MUCL1: variants seen among roughly 807,000 people sequenced by gnomAD.
The protein encoded by MUCL1 is mucin-like protein 1.
MUCL1 carries 11 observed loss-of-function variants against 9.2 expected under a neutral mutation model. That is an observed-to-expected ratio of 1.19 (90% confidence interval 0.75 to 1.97). The LOEUF is 1.97. MUCL1 is among the 30% of genes most tolerant of loss of function. The pLI is 0.00. For synonymous variants in MUCL1, 48 were observed against 40.5 expected (o/e 1.19, Z -0.71); for missense variants, 144 against 110.9 (o/e 1.30, Z -1.34).
At chr12:54,836,675 T>C (rs149869768), upstream of MUCL1, among the ~76,000 whole-genome samples, 522 of 152,316 alleles carry the variant, frequency 3.4e-3, 3 homozygotes, top group Admixed American at 6.8e-3. Flanking sequence ...TGATGTTAGG[T>C]TGTCAACTTG....
chr12:54,856,772 G>A lies in MUCL1; in HGVS notation c.103G>A (p.Gly35Ser). The A allele has an allele frequency of 1.2e-6, 2 of 1,610,758 alleles. No individual in the cohort carries two copies. Among genetic ancestry groups the A allele is most frequent in the Non-Finnish European group, 1.7e-6 (2 of 1,178,446 alleles). ...AAPADTYPATGPADDEAPDAE... is the reference protein window; with the variant it reads ...AAPADTYPATSPADDEAPDAE... ...AGAGCTTTTCCTTCTAATTTCAGCT[G>A]GTCCTGCTGATGATGAAGCCCCTGA... The change falls in exon 3 of 4, where the codon GGT becomes AGT. Residue 35 changes from glycine (G) to serine (S), a missense_variant and splice_region_variant. Gly to Ser is a moderately conservative substitution (Grantham distance 56). Transcript: ENST00000308796.
chr12:54,844,507 C>T (rs926222627), intron 1 of MUCL1, among the ~76,000 whole-genome samples: 2 of 152,172 alleles, frequency 1.3e-5, no homozygotes, highest in African/African-American at 4.8e-5. Context: ...CTTTATAAAT[C>T]TCATCTCTCT....
At chr12:54,834,739 T>C, upstream of MUCL1, among the ~76,000 whole-genome samples, 1 of 152,078 alleles carries the variant, frequency 6.6e-6, no homozygotes, top group South Asian at 2.1e-4. Context: ...ATACTAAAAA[T>C]AAATATATAT....
chr12:54,854,723 C>T (rs1352430198), intron 1 of MUCL1, 83 bp downstream of exon 1: 159 of 1,297,620 alleles, frequency 1.2e-4, no homozygotes, highest in Non-Finnish European at 1.7e-4. Flanking sequence ...CTTATGGTTG[C>T]TTAGAATGTG....
chr12:54,840,930 C>T (rs1371375156), intron 1 of MUCL1, among the ~76,000 whole-genome samples: 1 of 152,182 alleles, frequency 6.6e-6, no homozygotes, highest in African/African-American at 2.4e-5. Flanking sequence ...AAAACTGCCC[C>T]ATGCCATAAA....
chr12:54,845,701 A>C lies in MUCL1; in HGVS notation c.43+6254A>C, dbSNP rs144907433. On this transcript the variant is annotated intron_variant, in intron 1 of 3. Coordinates refer to the MUCL1 transcript ENST00000546809. ...CAAAAACAACTCATGATTTGGTTAC[A>C]TTTTGTTACTGACAAAGTGAACTGG... 4.5e-3 allele frequency among the ~76,000 whole-genome samples: 679 copies of C among 152,258 alleles called. 2 individuals carry two copies. The highest frequency in any genetic ancestry group is 6.8e-3 in the Middle Eastern group (2 of 294).
chr12:54,841,522 A>T (rs1051460828), intron 1 of MUCL1, among the ~76,000 whole-genome samples: 2 of 152,168 alleles, frequency 1.3e-5, no homozygotes, highest in Non-Finnish European at 2.9e-5. Flanking sequence ...TTGTCTTTTC[A>T]ATAATAGCCA....
At chr12:54,846,831 T>A (rs545598795) in intron 1 of MUCL1, among the ~76,000 whole-genome samples, 45 of 152,318 alleles carry the variant, frequency 3.0e-4, no homozygotes, top group African/African-American at 9.9e-4. Context: ...TGTGGGTAAC[T>A]TGTACTTTCA....
upstream of MUCL1, among the ~76,000 whole-genome samples, chr12:54,835,766 G>T (rs1367493293): frequency 3.3e-5 from 5 of 151,902 alleles, no homozygotes. Flanking sequence ...TGTCTAGTTT[G>T]TTGAGGGTTT....
chr12:54,852,604 C>CCTAA (rs2084084865), upstream of MUCL1, among the ~76,000 whole-genome samples: 1 of 152,094 alleles, frequency 6.6e-6, no homozygotes, highest in African/African-American at 2.4e-5. Context: ...TTAAGGGGAC[C>CCTAA]CTAACTGATA....
intron 1 of MUCL1, among the ~76,000 whole-genome samples, chr12:54,842,026 A>G (rs1350404404): frequency 6.6e-6 from 1 of 152,118 alleles, no homozygotes; most frequent in Non-Finnish European, 1.5e-5. Flanking sequence ...TTGAATTTTA[A>G]TATAGAAAAG....
intron 1 of MUCL1, among the ~76,000 whole-genome samples, chr12:54,843,474 G>C (rs975107742): frequency 6.6e-6 from 1 of 152,218 alleles, no homozygotes; most frequent in Non-Finnish European, 1.5e-5. Flanking sequence ...CTGCATTTAT[G>C]TTAGATGGTA....
At chr12:54,844,640 A>G (rs1447072956) in intron 1 of MUCL1, among the ~76,000 whole-genome samples, 1 of 152,210 alleles carries the variant, frequency 6.6e-6, no homozygotes, top group Non-Finnish European at 1.5e-5. Flanking sequence ...TTCTTTAGGC[A>G]AGAGTTTTGC....
chr12:54,852,394 C>G (rs898609981), upstream of MUCL1, among the ~76,000 whole-genome samples: 1 of 152,170 alleles, frequency 6.6e-6, no homozygotes, highest in African/African-American at 2.4e-5. Flanking sequence ...CTGACGAAAA[C>G]AAGCAATGGG....
At chr12:54,846,600 G>A (rs868196570) in intron 1 of MUCL1, among the ~76,000 whole-genome samples, 2 of 152,162 alleles carry the variant, frequency 1.3e-5, no homozygotes, top group African/African-American at 4.8e-5. Context: ...GATGAGCCAT[G>A]ACTGGGGAAA....
At chr12:54,830,891 A>T (rs1429916794) in intron 1 of MUCL1, 3 of 152,192 alleles carry the variant, frequency 2.0e-5, no homozygotes, top group African/African-American at 7.2e-5. Flanking sequence ...TGTTGGATAC[A>T]CACAAACAGC....
At chr12:54,838,928 A>T (rs1049669529), upstream of MUCL1, among the ~76,000 whole-genome samples, 5 of 152,022 alleles carry the variant, frequency 3.3e-5, no homozygotes, top group African/African-American at 9.7e-5. Context: ...TGGCATCTCA[A>T]AGATTTCATA....
chr12:54,840,466 G>T (rs1049756505), intron 1 of MUCL1, among the ~76,000 whole-genome samples: 2 of 152,236 alleles, frequency 1.3e-5, no homozygotes, highest in African/African-American at 4.8e-5. Flanking sequence ...TAGCCAGGAG[G>T]TGGCACTTGC....
At chr12:54,844,081 T>C (rs754599124) in intron 1 of MUCL1, among the ~76,000 whole-genome samples, 1 of 152,172 alleles carries the variant, frequency 6.6e-6, no homozygotes, top group Non-Finnish European at 1.5e-5. Context: ...TTTTCTTTCT[T>C]ATATTTTTGA....
Sources: gnomAD v4.1 joint callset for allele counts (sites outside exome capture counted in the v4.1 genomes callset) on GRCh38, gnomAD v4.1.1 for gene constraint, MANE v1.5 for transcripts, NCBI Gene and HGNC (gene_info 2026-07-23, HGNC 2026-07-21) for gene names.